Variants in SIN3B observed in about 807,000 individuals in gnomAD.
SIN3B encodes the protein SIN3 transcription regulator family member B.
In SIN3B, 19 loss-of-function variants were observed where a neutral mutation model predicts 120.2. The ratio of observed to expected loss-of-function variants is 0.16; its 90% CI spans 0.11 to 0.23. SIN3B has a LOEUF of 0.23. SIN3B is among the 10% of genes least tolerant of loss of function. The pLI, the probability that SIN3B is intolerant of heterozygous loss-of-function variation, is 1.00. For missense variants in SIN3B, 1,073 were observed against 1,573.0 expected, an observed-to-expected ratio of 0.68 and a Z score of 5.38; for synonymous variants, 654 against 653.2, an observed-to-expected ratio of 1.00 and a Z score of -0.02.
At chr19:16,831,310 G>A (rs1451695055) in intron 2 of SIN3B, among the ~76,000 whole-genome samples, 184 bp from the exon 3 acceptor site, 1 of 152,132 alleles carries the variant, frequency 6.6e-6, no homozygotes, top group Non-Finnish European at 1.5e-5. Context: ...TGATCTGCCT[G>A]CCTCGGCCTC....
At chr19:16,848,981 TCAGTCA>T (rs1474865517) in intron 5 of SIN3B, among the ~76,000 whole-genome samples, 1 of 152,218 alleles carries the variant, frequency 6.6e-6, no homozygotes, top group Non-Finnish European at 1.5e-5. Context: ...CCCGGCTAGC[TCAGTCA>T]GTAGAGCATG....
rs1309752080 is a variant in SIN3B at position 16,874,609 on chromosome 19, CTGGTCTGGTCTGGTTT to C, written c.2593-1431_2593-1416del. Among the ~76,000 whole-genome samples the C allele has an allele frequency of 6.4e-4, 93 of 146,432 alleles. 1 individual carries two copies. The highest frequency in any genetic ancestry group is 2.3e-3 in the African/African-American group (89 of 39,110). On this transcript the variant is annotated intron_variant, in intron 14 of 18. Transcript: ENST00000248054. ...TGGTTTGGTGTGGTTTTGGTTTGGT[CTGGTCTGGTCTGGTTT>C]TGGTCTGGTCTGGTCTGATCTGATC...
chr19:16,847,161 G>A (rs1465404641), intron 5 of SIN3B, 48 bp downstream of exon 5: 9 of 1,579,382 alleles, frequency 5.7e-6, no homozygotes, highest in African/African-American at 4.0e-5. Context: ...CAGCGAGGAC[G>A]GAGGGCCCCA....
At chr19:16,836,119 T>C (rs935654172) in intron 3 of SIN3B, among the ~76,000 whole-genome samples, 74 of 152,260 alleles carry the variant, frequency 4.9e-4, no homozygotes, top group African/African-American at 1.7e-3. Context: ...GTCTTCAGCT[T>C]TGGGGGCCAG....
rs145529458 is a variant in SIN3B, at chr19:16,874,386, G to C, written c.2593-1669G>C. ...TCTGGTTTGGTTTTGGTTTGGTCTGGTTTGGTCTGGTCTGGTCTGGCTTTG... is the reference window on the plus strand; with the variant it reads ...TCTGGTTTGGTTTTGGTTTGGTCTGCTTTGGTCTGGTCTGGTCTGGCTTTG... On this transcript the variant is annotated intron_variant, in intron 14 of 18. Transcript: ENST00000248054. 2.7e-4 allele frequency among the ~76,000 whole-genome samples: 41 copies of C among 151,588 alleles called. 1 individual carries two copies. Among genetic ancestry groups the C allele is most frequent in the Admixed American group, 1.1e-3 (17 of 15,208 alleles).
intron 5 of SIN3B, among the ~76,000 whole-genome samples, chr19:16,850,399 C>T (rs954772945): frequency 5.3e-5 from 8 of 152,238 alleles, no homozygotes; most frequent in South Asian, 2.1e-4. Flanking sequence ...AAGCGACACA[C>T]GGCATCCTAT....
intron 12 of SIN3B, among the ~76,000 whole-genome samples, chr19:16,868,233 G>A (rs1277468752): frequency 1.3e-5 from 2 of 152,206 alleles, no homozygotes; most frequent in Non-Finnish European, 2.9e-5. Flanking sequence ...AGAGCCCAGA[G>A]CAGGGCTGAG....
rs368737171 is a variant in SIN3B, at chr19:16,866,369, G to A, written c.1623-4G>A. The A allele has an allele frequency of 6.2e-6, 10 of 1,609,440 alleles. No homozygotes were observed. Among genetic ancestry groups the A allele is most frequent in the East Asian group, 4.5e-5 (2 of 44,796 alleles). ...CCTGGTGCTGACCTCTCTTCCCCCC[G>A]CAGACTGAAGGCCAAGGAAGAGGAG... On this transcript the variant is annotated splice_region_variant and splice_polypyrimidine_tract_variant and intron_variant, in intron 11 of 18. Transcript: ENST00000248054.
Position 16,850,011 on chromosome 19 carries a change from C to T in SIN3B, c.727-1401C>T, listed in dbSNP as rs1415387742. On this transcript the variant is annotated intron_variant, in intron 5 of 18. Transcript: ENST00000248054. ...GAGAATTGTGTAGATGCCAATTTCT[C>T]CACTTACAGCTCTCGAAATAGCCTT... 2.6e-5 allele frequency among the ~76,000 whole-genome samples: 4 copies of T among 151,048 alleles called. No individual in the cohort carries two copies. The East Asian group carries it at 7.8e-4, about 29-fold the overall frequency.
Position 16,876,251 on chromosome 19 carries a change from G to A in SIN3B, c.2766+23G>A, listed in dbSNP as rs773134688. ...AAGGTGAGAGGAGGCCTGGGGCTGG[G>A]AACACGCCGGGAGGCCCGGCCGCTC... On this transcript the variant is annotated intron_variant, in intron 15 of 18. Transcript: ENST00000248054. The surrounding 1 kb of genome is among the most constrained non-coding windows in gnomAD (Gnocchi z 7.1). 1.3e-6 allele frequency: 2 copies of A among 1,597,692 alleles called. No homozygotes were observed. The highest frequency in any genetic ancestry group is 1.7e-4 in the Middle Eastern group (1 of 6,006).
rs540619962 is a variant in SIN3B, at chr19:16,876,421, C to T, written c.2767-65C>T. 3.1e-5 allele frequency: 47 copies of T among 1,537,278 alleles called. No individual in the cohort carries two copies. In the Middle Eastern group the frequency reaches 1.5e-3, roughly 50 times the overall value. On this transcript the variant is annotated intron_variant, in intron 15 of 18. Transcript: ENST00000248054. The surrounding 1 kb of genome is among the most constrained non-coding windows in gnomAD (Gnocchi z 7.1). ...CAAAGGCGGGAGGCGGGTGGCCTTG[C>T]GAGCCTGCGCTGTGCCGGCTGGGCT...
rs1246845407 is a variant in SIN3B at position 16,862,843 on chromosome 19, C to T, written c.1266+284C>T. 4 of 1,461,724 alleles carry T rather than the reference C, an allele frequency of 2.7e-6. No individual in the cohort carries two copies. Among genetic ancestry groups the T allele is most frequent in the Non-Finnish European group, 1.9e-6 (2 of 1,041,952 alleles). 90.5% of individuals were successfully genotyped at this position (1,461,724 alleles called of 1,614,324 possible). Reference sequence around the variant, plus strand: ...TAGGTTTATTGCTGCCATGATTCTGCTCTGTCCCGGGCTCACTGACCTCAG... The same window carrying T: ...TAGGTTTATTGCTGCCATGATTCTGTTCTGTCCCGGGCTCACTGACCTCAG... On this transcript the variant is annotated intron_variant, in intron 9 of 18. Coordinates refer to ENST00000248054, the MANE Select transcript of SIN3B (RefSeq NM_001297595.2). The surrounding 1 kb of genome is among the most constrained non-coding windows in gnomAD (Gnocchi z 4.7).
chr19:16,876,064 C>G lies in SIN3B; in HGVS notation c.2602C>G (p.Leu868Val), dbSNP rs868862486. The change falls in exon 15 of 19, where the codon CTC becomes GTC. Residue 868 changes from leucine (L) to valine (V), a missense_variant. Around this residue, in one of 7 missense-constraint regions of SIN3B, gnomAD observed 311 missense variants for 400.3 expected, o/e 0.78. Transcript: ENST00000248054. The surrounding 1 kb of genome is among the most constrained non-coding windows in gnomAD (Gnocchi z 7.1). Reference sequence around the variant, plus strand: ...GCTTTCCTCCCGCCAGCTGCACCACCTCGTGAGCGATGACGTCTGCCTGAA... The same window carrying G: ...GCTTTCCTCCCGCCAGCTGCACCACGTCGTGAGCGATGACGTCTGCCTGAA... ...VQNIARQLHHLVSDDVCLKVV... is the reference protein window; with the variant it reads ...VQNIARQLHHVVSDDVCLKVV... 6.4e-7 allele frequency: 1 copy of G among 1,560,312 alleles called. No individual in the cohort carries two copies. The highest frequency in any genetic ancestry group is 8.7e-7 in the Non-Finnish European group (1 of 1,152,126).
At chr19:16,852,195 C>T (rs557902972) in intron 6 of SIN3B, among the ~76,000 whole-genome samples, 11 of 152,058 alleles carry the variant, frequency 7.2e-5, no homozygotes, top group Middle Eastern at 3.4e-3. Context: ...GGCGCGATCT[C>T]GGCTCACTGC....
intron 7 of SIN3B, among the ~76,000 whole-genome samples, chr19:16,853,775 G>A (rs1477555687): frequency 3.3e-5 from 5 of 150,670 alleles, no homozygotes; most frequent in Non-Finnish European, 7.4e-5. Context: ...CAGGGGCTGT[G>A]TGAATTGCAC....
At chr19:16,872,959 C>T (rs908206123) in intron 14 of SIN3B, among the ~76,000 whole-genome samples, 2 of 152,082 alleles carry the variant, frequency 1.3e-5, no homozygotes, top group African/African-American at 4.8e-5. Context: ...CTGCGGTGGC[C>T]GTCTATGTAC....
chr19:16,877,242 C>T (rs537043369), intron 16 of SIN3B: 7 of 413,784 alleles, frequency 1.7e-5, no homozygotes, highest in Admixed American at 8.0e-5. Context: ...CAGTGTGGGC[C>T]GGGCGGTGCT....
Position 16,876,417 on chromosome 19 carries a change from C to CT in SIN3B, c.2767-67dup. On this transcript the variant is annotated intron_variant, in intron 15 of 18. Transcript: ENST00000248054. This position sits in a 1 kb window ranked among gnomAD's most constrained non-coding sequence, Gnocchi z 7.1. ...GTGGCAAAGGCGGGAGGCGGGTGGCCTTGCGAGCCTGCGCTGTGCCGGCTG... is the reference window on the plus strand; with the variant it reads ...GTGGCAAAGGCGGGAGGCGGGTGGCCTTTGCGAGCCTGCGCTGTGCCGGCTG... 3 of 1,539,704 alleles carry CT rather than the reference C, an allele frequency of 1.9e-6. No homozygotes were observed. In the Admixed American group the frequency reaches 5.3e-5, roughly 27 times the overall value.
intron 5 of SIN3B, among the ~76,000 whole-genome samples, chr19:16,849,297 C>T (rs577539422): frequency 6.6e-6 from 1 of 152,288 alleles, no homozygotes; most frequent in African/African-American, 2.4e-5. Context: ...CTTTGCAGGC[C>T]AGTTGATCTT....
Sources: gnomAD v4.1 joint callset for allele counts (sites outside exome capture counted in the v4.1 genomes callset) on GRCh38, gnomAD v4.1.1 for gene constraint, gnomAD v4.1.1 regional missense constraint, Gnocchi (gnomAD v3.1) non-coding constraint, MANE v1.5 for transcripts, NCBI Gene and HGNC (gene_info 2026-07-23, HGNC 2026-07-21) for gene names.